ARHGEF10: variants seen among roughly 807,000 people sequenced by gnomAD.
ARHGEF10 encodes the protein Rho guanine nucleotide exchange factor (GEF) 10.
ARHGEF10 carries 140 observed loss-of-function variants against 147.4 expected under a neutral mutation model. The ratio of observed to expected loss-of-function variants is 0.95; its 90% confidence interval spans 0.83 to 1.09. ARHGEF10 has a LOEUF of 1.09. Ranked by LOEUF, ARHGEF10 falls within the 50% of genes least tolerant of loss-of-function variation. The pLI is 0.00. For synonymous variants in ARHGEF10, 902 were observed against 695.8 expected (o/e 1.30, Z -4.67); for missense variants, 2,222 against 1,752.7 (o/e 1.27, Z -4.78).
At chr8:1,828,901 T>TTC (rs397748958) in intron 1 of ARHGEF10, among the ~76,000 whole-genome samples, 1 of 152,214 alleles carries the variant, frequency 6.6e-6, no homozygotes, top group Non-Finnish European at 1.5e-5. Flanking sequence ...ATTTTTTTTT[T>TTC]CTGAAAGGAA....
intron 1 of ARHGEF10, among the ~76,000 whole-genome samples, chr8:1,837,713 C>T (rs549852205): frequency 2.0e-5 from 3 of 152,158 alleles, no homozygotes; most frequent in East Asian, 3.9e-4. Context: ...TTGCTCACCA[C>T]CTTTGAGAAC....
Position 1,860,392 on chromosome 8 carries a change from CCCT to C in ARHGEF10, c.481+219_481+221del, listed in dbSNP as rs1160258636. Among the ~76,000 whole-genome samples the C allele has an allele frequency of 1.3e-3, 151 of 118,378 alleles. 1 individual carries two copies. The highest frequency in any genetic ancestry group is 4.4e-3 in the African/African-American group (149 of 33,766). 77.7% of individuals were successfully genotyped at this position (118,378 alleles called of 152,430 possible). A position where few individuals can be genotyped will look rare whatever the true frequency, so the allele number is the denominator to read the frequency against. On this transcript the variant is annotated intron_variant, in intron 4 of 28. Coordinates refer to ENST00000349830, the MANE Select transcript of ARHGEF10 (RefSeq NM_014629.4). ...CGTAGAGTCCGGGCCTAACCTTCCCCCCTCCTCCTCCTCTCCATGCCCCCGATG... is the reference window on the plus strand; with the variant it reads ...CGTAGAGTCCGGGCCTAACCTTCCCCCCTCCTCCTCTCCATGCCCCCGATG...
In ARHGEF10 at chr8:1,896,466, T is replaced by A; in HGVS notation, c.1557+17T>A. ...TTTTTAAAGGTAAGCGCTTTTTTTT[T>A]TCATTTGGGTTTTAACACCATCTGA... is the stretch of plus-strand genomic sequence containing the variant. On this transcript the variant is annotated intron_variant, in intron 14 of 28. Transcript: ENST00000349830. The A allele has an allele frequency of 6.4e-7, 1 of 1,563,766 alleles. No homozygotes were observed. Among genetic ancestry groups the A allele is most frequent in the Non-Finnish European group, 8.8e-7 (1 of 1,134,766 alleles).
intron 1 of ARHGEF10, among the ~76,000 whole-genome samples, chr8:1,835,936 C>G (rs1052462687): frequency 6.6e-6 from 1 of 152,152 alleles, no homozygotes; most frequent in Non-Finnish European, 1.5e-5. Flanking sequence ...AATCCCGGCA[C>G]TTTGGGAGGC....
intron 3 of ARHGEF10, 84 bp downstream of exon 3, chr8:1,858,199 G>C (rs542129880): frequency 1.6e-6 from 2 of 1,287,638 alleles, no homozygotes; most frequent in Non-Finnish European, 1.0e-6. Context: ...TGAGTCACCA[G>C]GTGAGTTCCC....
At chr8:1,918,462 G>GTGTA (rs961164156) in intron 18 of ARHGEF10, among the ~76,000 whole-genome samples, 2 of 21,266 alleles carry the variant, frequency 9.4e-5, no homozygotes, top group African/African-American at 2.8e-4. Context: ...TTTGATGGCT[G>GTGTA]TGTGTGTGTG....
intron 3 of ARHGEF10, among the ~76,000 whole-genome samples, chr8:1,859,282 A>G (rs1286949982): frequency 3.4e-5 from 4 of 118,330 alleles, no homozygotes; most frequent in Non-Finnish European, 5.3e-5. Flanking sequence ...GGTTGTTTGC[A>G]TGGTGTTTCT....
chr8:1,935,596 G>A (rs555393220), intron 26 of ARHGEF10, among the ~76,000 whole-genome samples: 13 of 152,312 alleles, frequency 8.5e-5, no homozygotes, highest in South Asian at 2.1e-4. Context: ...CAGCCCCTCC[G>A]GAGGGCACTC....
At chr8:1,862,822 AGGCTGG>A (rs1266819994) in intron 4 of ARHGEF10, among the ~76,000 whole-genome samples, 1 of 134,416 alleles carries the variant, frequency 7.4e-6, no homozygotes, top group Non-Finnish European at 1.5e-5. Flanking sequence ...TCTGTCGCTC[AGGCTGG>A]AGTACAGTGG....
At chr8:1,951,669 T>G (rs1457473922) in intron 27 of ARHGEF10, among the ~76,000 whole-genome samples, 2 of 152,258 alleles carry the variant, frequency 1.3e-5, no homozygotes, top group Admixed American at 1.3e-4. Context: ...TGTTTTTAAG[T>G]GTTCACCGTC....
intron 14 of ARHGEF10, among the ~76,000 whole-genome samples, chr8:1,897,245 TG>T (rs1365924541): frequency 1.3e-5 from 2 of 152,244 alleles, no homozygotes; most frequent in Non-Finnish European, 2.9e-5. Context: ...TCATTGAAGC[TG>T]GAATTTTTTC....
Position 1,858,001 on chromosome 8 carries a change from G to T in ARHGEF10, c.79G>T (p.Glu27Ter). ...TGATACCAATAATAATGAAGAGGAA[G>T]AGGGAGAACAGTTCGATTTTGACAG... ...KYDTNNNEEE[E>*]GEQFDFDSGD... Residue 27 changes from glutamate (E) to a stop codon, truncating the protein, a stop_gained, in exon 3 of 29, where the codon GAG becomes TAG. Transcript: ENST00000349830. LOFTEE classifies it high-confidence loss of function. 1 of 1,614,130 alleles carries T rather than the reference G, an allele frequency of 6.2e-7. No individual in the cohort carries two copies. Among genetic ancestry groups the T allele is most frequent in the Non-Finnish European group, 8.5e-7 (1 of 1,180,012 alleles).
chr8:1,824,354 G>T (rs1450980104), intron 1 of ARHGEF10, among the ~76,000 whole-genome samples: 2 of 151,984 alleles, frequency 1.3e-5, no homozygotes, highest in African/African-American at 4.8e-5. Flanking sequence ...GGGGAGCAGG[G>T]ACTGGCAGCA....
rs1310006476 is a variant in ARHGEF10, at chr8:1,948,820, TC to T, written c.3397+3167del. Among the ~76,000 whole-genome samples, 4 of 152,188 alleles carry T rather than the reference TC, an allele frequency of 2.6e-5. No individual in the cohort carries two copies. Among genetic ancestry groups the T allele is most frequent in the Non-Finnish European group, 5.9e-5 (4 of 68,032 alleles). ...TGCATTTCATGCTGTATTTAGACAT[TC>T]CGGTGGGGGCATGCTCATACCGTGC... On this transcript the variant is annotated intron_variant, in intron 27 of 28. Transcript: ENST00000349830. This position sits in a 1 kb window ranked among gnomAD's most constrained non-coding sequence, Gnocchi z 4.9.
rs1220549907 is a variant in ARHGEF10, at chr8:1,857,984, A to G, written c.62A>G (p.Asn21Ser). The G allele has an allele frequency of 5.6e-6, 9 of 1,613,982 alleles. No homozygotes were observed. The highest frequency in any genetic ancestry group is 5.9e-6 in the Non-Finnish European group (7 of 1,179,996). Residue 21 changes from asparagine (N) to serine (S), a missense_variant, in exon 3 of 29, where the codon AAT becomes AGT. Transcript: ENST00000349830. Reference protein sequence around the residue: ...PAENEMKYDTNNNEEEEGEQF... With the variant: ...PAENEMKYDTSNNEEEEGEQF... ...GAAAATGAAATGAAATATGATACCA[A>G]TAATAATGAAGAGGAAGAGGGAGAA...
rs575567370 is a variant in ARHGEF10, at chr8:1,843,335, T to C, written c.-47-18T>C. On this transcript the variant is annotated intron_variant, in intron 1 of 28. Coordinates refer to ENST00000349830, the MANE Select transcript of ARHGEF10 (RefSeq NM_014629.4). ...TATCCACCTGAACGGTGACAAGCAGTGTCTCTCCTTCTTGCAGGAGCTCCT... is the reference window on the plus strand; with the variant it reads ...TATCCACCTGAACGGTGACAAGCAGCGTCTCTCCTTCTTGCAGGAGCTCCT... The C allele has an allele frequency of 1.3e-5, 21 of 1,603,320 alleles. No individual in the cohort carries two copies. The highest frequency in any genetic ancestry group is 6.7e-5 in the Admixed American group (4 of 59,798).
chr8:1,851,169 C>T (rs528448576), intron 2 of ARHGEF10, among the ~76,000 whole-genome samples: 3 of 151,540 alleles, frequency 2.0e-5, no homozygotes, highest in East Asian at 3.9e-4. Context: ...TCACGCACAC[C>T]GTGGGCTTTA....
In ARHGEF10 at chr8:1,880,080, C is replaced by G. The variant is rs1808051380; in HGVS notation, c.876C>G (p.His292Gln). 2 of 1,613,980 alleles carry G rather than the reference C, an allele frequency of 1.2e-6. No individual in the cohort carries two copies. Among genetic ancestry groups the G allele is most frequent in the South Asian group, 1.1e-5 (1 of 91,080 alleles). ...LSHDLTRLKEHYEKKMRDLMA... is the reference protein window; with the variant it reads ...LSHDLTRLKEQYEKKMRDLMA... ...ATGACCTAACCCGTTTAAAGGAGCA[C>G]TATGAGAAAAAGATGAGAGATTTGA... Residue 292 changes from histidine to glutamine, a missense_variant, in exon 9 of 29, where the codon CAC (histidine) becomes CAG (glutamine). By Grantham distance (24) the His-to-Gln change is conservative. Coordinates refer to ENST00000349830, the MANE Select transcript of ARHGEF10 (RefSeq NM_014629.4).
intron 4 of ARHGEF10, among the ~76,000 whole-genome samples, chr8:1,862,232 G>A (rs1806189071): frequency 6.6e-6 from 1 of 152,228 alleles, no homozygotes; most frequent in Non-Finnish European, 1.5e-5. Context: ...CCCTGGGGCG[G>A]GGCGGCCGCC....
Sources: allele counts gnomAD v4.1 joint callset (sites outside exome capture counted in the v4.1 genomes callset), GRCh38; gene constraint gnomAD v4.1.1; non-coding constraint Gnocchi (gnomAD v3.1); transcripts MANE v1.5; gene names NCBI Gene and HGNC (gene_info 2026-07-23, HGNC 2026-07-21).